Variants in CADM2 observed in about 807,000 individuals in gnomAD.
The protein encoded by CADM2 is immunoglobulin superfamily member 4D.
CADM2 carries 12 observed loss-of-function variants against 49.8 expected under a neutral mutation model. That is an observed-to-expected ratio of 0.24 (90% CI 0.15 to 0.39). The LOEUF is 0.39. CADM2 is among the 10% of genes least tolerant of loss of function. CADM2 has a pLI of 1.00. For synonymous variants in CADM2, 214 were observed against 175.4 expected, an observed-to-expected ratio of 1.22 and a Z score of -1.74; for missense variants, 378 against 492.3, an observed-to-expected ratio of 0.77 and a Z score of 2.20.
intron 1 of CADM2, among the ~76,000 whole-genome samples, chr3:84,981,524 T>C (rs1227122097): frequency 6.6e-6 from 1 of 152,062 alleles, no homozygotes; most frequent in Non-Finnish European, 1.5e-5. Context: ...GCTACATTAC[T>C]TGAGTTTTGG....
Position 85,724,596 on chromosome 3 carries a change from C to T in CADM2, c.62-1926C>T, listed in dbSNP as rs554010567. The stretch of plus-strand genomic sequence containing the variant: ...TATTAAAATGAATAAGTTAGCACTC[C>T]GTGTTTTAACCTGGAAATGTGGGAA... On this transcript the variant is annotated intron_variant, in intron 1 of 9. Coordinates refer to ENST00000383699, the MANE Select transcript of CADM2 (RefSeq NM_001167675.2). Among the ~76,000 whole-genome samples the T allele has an allele frequency of 4.6e-5, 7 of 151,910 alleles. No individual in the cohort carries two copies. The South Asian group carries it at 8.3e-4, about 18-fold the overall frequency.
At chr3:85,105,914 A>G (rs2038203714) in intron 1 of CADM2, among the ~76,000 whole-genome samples, 2 of 151,706 alleles carry the variant, frequency 1.3e-5, no homozygotes, top group Non-Finnish European at 2.9e-5. Flanking sequence ...TGGACACAGG[A>G]AGGGGAACAT....
intron 1 of CADM2, among the ~76,000 whole-genome samples, chr3:85,274,379 G>A (rs573224180): frequency 6.6e-6 from 1 of 151,612 alleles, no homozygotes; most frequent in African/African-American, 2.4e-5. Flanking sequence ...ACATGGAGGA[G>A]AGAATTGCTA....
chr3:85,758,434 T>C (rs998729720), intron 2 of CADM2, among the ~76,000 whole-genome samples: 2 of 152,068 alleles, frequency 1.3e-5, no homozygotes, highest in African/African-American at 4.8e-5. Context: ...CCAGAAAACA[T>C]TTTCATGTTT....
At chr3:85,647,498 C>A (rs1346341320) in intron 1 of CADM2, among the ~76,000 whole-genome samples, 1 of 151,200 alleles carries the variant, frequency 6.6e-6, no homozygotes, top group Non-Finnish European at 1.5e-5. Flanking sequence ...AAAGGACAAC[C>A]CTTTACAATA....
intron 1 of CADM2, among the ~76,000 whole-genome samples, chr3:85,606,269 G>C (rs2063535389): frequency 6.6e-6 from 1 of 151,978 alleles, no homozygotes; most frequent in African/African-American, 2.4e-5. Flanking sequence ...TGATTTAAAA[G>C]TCTCCTTTCA....
At chr3:85,143,754 C>T (rs181256817) in intron 1 of CADM2, among the ~76,000 whole-genome samples, 419 of 152,282 alleles carry the variant, frequency 2.8e-3, no homozygotes, top group South Asian at 9.1e-3. Flanking sequence ...CTAGCTTCAT[C>T]ACTGGCCCCC....
intron 1 of CADM2, among the ~76,000 whole-genome samples, chr3:85,583,517 A>C (rs2062853711): frequency 6.6e-6 from 1 of 152,180 alleles, no homozygotes; most frequent in African/African-American, 2.4e-5. Context: ...AAAGCTTTGG[A>C]AACATAGTGG....
At chr3:85,464,859 A>G (rs1397937956) in intron 1 of CADM2, among the ~76,000 whole-genome samples, 1 of 152,198 alleles carries the variant, frequency 6.6e-6, no homozygotes, top group African/African-American at 2.4e-5. Context: ...TGGCTTTAAG[A>G]CATACTTTTG....
chr3:85,190,561 C>G (rs2041185029), intron 1 of CADM2, among the ~76,000 whole-genome samples: 2 of 152,024 alleles, frequency 1.3e-5, no homozygotes, highest in South Asian at 4.1e-4. Context: ...TTGCCTATGA[C>G]ATTATATTAT....
At chr3:85,332,005 A>C (rs1392266928) in intron 1 of CADM2, among the ~76,000 whole-genome samples, 1 of 152,112 alleles carries the variant, frequency 6.6e-6, no homozygotes, top group Non-Finnish European at 1.5e-5. Context: ...GTTTCTTATA[A>C]ATTTCAATGA....
Position 85,099,003 on chromosome 3 carries a change from G to A in CADM2, c.61+139335G>A, listed in dbSNP as rs917637309. Among the ~76,000 whole-genome samples the A allele has an allele frequency of 2.6e-5, 4 of 152,044 alleles. No individual in the cohort carries two copies. In the South Asian group the frequency reaches 6.2e-4, roughly 24 times the overall value. ...TAACCCACCTACCTGAAGTATTCCT[G>A]AGTTTGGTTCCTGTAATACAATATG... On this transcript the variant is annotated intron_variant, in intron 1 of 9. Coordinates refer to ENST00000383699, the MANE Select transcript of CADM2 (RefSeq NM_001167675.2).
chr3:85,986,955 T>G (rs1728192814), intron 8 of CADM2, among the ~76,000 whole-genome samples: 1 of 152,084 alleles, frequency 6.6e-6, no homozygotes, highest in African/African-American at 2.4e-5. Flanking sequence ...TTATTTCAGG[T>G]TAGCATCGAG....
intron 1 of CADM2, chr3:84,960,570 CCT>C (rs1390419620): frequency 1.3e-5 from 2 of 151,692 alleles, no homozygotes; most frequent in Non-Finnish European, 1.5e-5. Flanking sequence ...ACCTCTCCAT[CCT>C]CTCTCTGCCG....
At chr3:85,488,917 A>G (rs908013167) in intron 1 of CADM2, among the ~76,000 whole-genome samples, 8 of 152,166 alleles carry the variant, frequency 5.3e-5, no homozygotes, top group African/African-American at 1.9e-4. Flanking sequence ...GTAAAAAAAG[A>G]AAAAGGCAAT....
intron 3 of CADM2, among the ~76,000 whole-genome samples, chr3:85,846,832 A>G (rs1292905786): frequency 1.3e-5 from 2 of 152,224 alleles, no homozygotes; most frequent in Non-Finnish European, 2.9e-5. Flanking sequence ...ACAGTACTCC[A>G]GTCTGCGTGA....
At chr3:85,468,585 CT>C (rs1233557022) in intron 1 of CADM2, among the ~76,000 whole-genome samples, 2 of 96,876 alleles carry the variant, frequency 2.1e-5, no homozygotes, top group South Asian at 3.4e-4. Context: ...AATTACTGAT[CT>C]TTTTTTGACC....
chr3:85,871,447 A>G (rs563741315), intron 3 of CADM2, among the ~76,000 whole-genome samples: 24 of 152,238 alleles, frequency 1.6e-4, no homozygotes, highest in African/African-American at 5.5e-4. Context: ...ACTTGAATAT[A>G]ATATTTAAGA....
At chr3:85,775,967 C>T (rs748992185) in intron 2 of CADM2, among the ~76,000 whole-genome samples, 13 of 151,674 alleles carry the variant, frequency 8.6e-5, no homozygotes, top group African/African-American at 1.7e-4. Flanking sequence ...ATTTCTAACA[C>T]GAATTCATTG....
Sources: allele counts gnomAD v4.1 joint callset (sites outside exome capture counted in the v4.1 genomes callset), GRCh38; gene constraint gnomAD v4.1.1; transcripts MANE v1.5; gene names NCBI Gene and HGNC (gene_info 2026-07-23, HGNC 2026-07-21).